Variants in NPR3 observed in about 807,000 individuals in gnomAD.
The protein encoded by NPR3 is natriuretic peptide receptor 3, also known as atrial natriuretic peptide receptor 3.
NPR3 carries 34 observed loss-of-function variants against 54.5 expected under a neutral mutation model. The ratio of observed to expected loss-of-function variants is 0.62; its 90% CI spans 0.47 to 0.83. The LOEUF (loss-of-function observed/expected upper bound fraction) is 0.83, where lower values mean the gene tolerates loss of function less well. NPR3 is among the 40% of genes least tolerant of loss of function. The pLI is 0.00. For missense variants in NPR3, 674 were observed against 720.8 expected (o/e 0.94, Z 0.74); for synonymous variants, 289 against 297.1 (o/e 0.97, Z 0.28).
upstream of NPR3, chr5:32,710,393 C>G (rs1738145837): frequency 4.0e-6 from 1 of 247,708 alleles, no homozygotes; most frequent in South Asian, 1.1e-4. Flanking sequence ...CCTGGTTTAG[C>G]AAACAAAGCC....
At chr5:32,744,737 C>T (rs1740208923) in intron 3 of NPR3, among the ~76,000 whole-genome samples, 1 of 152,210 alleles carries the variant, frequency 6.6e-6, no homozygotes, top group East Asian at 1.9e-4. Context: ...AACATCACTT[C>T]CTCAGGACAG....
rs547740415 is a variant in NPR3, at chr5:32,771,643, A to T, written c.1060-3065A>T. ...CCTGGGTTAGGATTTTGAGGATGGGATGGAAGGAGGAGGACGAGAAGGGGA... is the reference window on the plus strand; with the variant it reads ...CCTGGGTTAGGATTTTGAGGATGGGTTGGAAGGAGGAGGACGAGAAGGGGA... On this transcript the variant is annotated intron_variant, in intron 3 of 7. Coordinates refer to ENST00000265074, the MANE Select transcript of NPR3 (RefSeq NM_001204375.2). Among the ~76,000 whole-genome samples the T allele has an allele frequency of 1.2e-4, 19 of 152,216 alleles. No homozygotes were observed. The South Asian group carries it at 4.0e-3, about 32-fold the overall frequency.
chr5:32,741,166 C>G (rs1740020968), intron 3 of NPR3, among the ~76,000 whole-genome samples: 1 of 152,016 alleles, frequency 6.6e-6, no homozygotes, highest in Non-Finnish European at 1.5e-5. Context: ...CGTCTGTAAT[C>G]CCAGCACTTT....
At chr5:32,730,723 C>A (rs954525616) in intron 2 of NPR3, among the ~76,000 whole-genome samples, 2 of 151,734 alleles carry the variant, frequency 1.3e-5, no homozygotes, top group East Asian at 1.9e-4. Context: ...ATCATTTAGT[C>A]AAAAAAGAAA....
In NPR3 at chr5:32,697,156, T is replaced by C. The variant is rs897590338; in HGVS notation, c.100+7970T>C. ...ATTGTGTTGACATATGTTCCTTCTA[T>C]ACTCAGATTTTTGAGGGCTTTTTAA... On this transcript the variant is annotated intron_variant, in intron 1 of 5. Coordinates refer to the NPR3 transcript ENST00000509104. 4.6e-5 allele frequency among the ~76,000 whole-genome samples: 7 copies of C among 152,300 alleles called. No homozygotes were observed. The South Asian group carries it at 1.2e-3, about 27-fold the overall frequency.
intron 1 of NPR3, 89 bp downstream of exon 1, chr5:32,712,634 C>T: frequency 8.0e-7 from 1 of 1,256,376 alleles, no homozygotes; most frequent in Non-Finnish European, 1.1e-6. Context: ...GCAGACCCCA[C>T]TCCCCACTGC....
intron 4 of NPR3, 34 bp from the exon 5 acceptor site, chr5:32,780,688 A>G: frequency 1.1e-6 from 1 of 941,912 alleles, no homozygotes; most frequent in Non-Finnish European, 1.8e-6. Context: ...ATTTTAAGTA[A>G]CCAACGTTGA....
Position 32,734,364 on chromosome 5 carries a change from C to T in NPR3, c.893-4500C>T, listed in dbSNP as rs117449184. On this transcript the variant is annotated intron_variant, in intron 2 of 7. Coordinates refer to ENST00000265074, the MANE Select transcript of NPR3 (RefSeq NM_001204375.2). ...TCAGGTGATATATATTGAAAATTTA[C>T]TATGTGCTAGGTCCTTGGTAAGTAC... 3.6e-3 allele frequency among the ~76,000 whole-genome samples: 553 copies of T among 152,306 alleles called. 10 individuals carry two copies. The highest frequency in any genetic ancestry group is 0.024 in the Admixed American group (366 of 15,296).
chr5:32,742,361 C>T (rs1740081146), intron 3 of NPR3, among the ~76,000 whole-genome samples: 1 of 152,122 alleles, frequency 6.6e-6, no homozygotes, highest in East Asian at 1.9e-4. Context: ...GTGGTACACG[C>T]CTGTAATCCC....
At position 32,748,525 on chromosome 5, in the gene NPR3, A is replaced by T. The variant is rs576368802; in HGVS notation, c.1059+9495A>T. Among the ~76,000 whole-genome samples the T allele has an allele frequency of 7.2e-5, 11 of 152,348 alleles. No individual in the cohort carries two copies. The East Asian group carries it at 2.1e-3, about 29-fold the overall frequency. Reference sequence around the variant, plus strand: ...GTTGCCCTGGGAGATAAAAGGATAAATGCAGGTTCTTCTAGAGATGCTGCC... The same window carrying T: ...GTTGCCCTGGGAGATAAAAGGATAATTGCAGGTTCTTCTAGAGATGCTGCC... On this transcript the variant is annotated intron_variant, in intron 3 of 7. Transcript: ENST00000265074.
chr5:32,760,667 GT>G (rs568168299), intron 3 of NPR3, among the ~76,000 whole-genome samples: 5,160 of 142,598 alleles, frequency 0.036, 97 homozygotes, highest in Middle Eastern at 0.11. Flanking sequence ...ATGAGCAGTG[GT>G]TTTTTTTTTT....
At chr5:32,716,515 G>A (rs1398670781) in intron 1 of NPR3, 41 of 442,232 alleles carry the variant, frequency 9.3e-5, no homozygotes, top group South Asian at 6.2e-4. Flanking sequence ...ATTTTTCTCA[G>A]TAGGCTGAGG....
At chr5:32,758,768 G>A (rs1381971247) in intron 3 of NPR3, among the ~76,000 whole-genome samples, 2 of 152,120 alleles carry the variant, frequency 1.3e-5, no homozygotes, top group African/African-American at 4.8e-5. Flanking sequence ...TCTACACAGT[G>A]CTTTAAATGT....
At chr5:32,714,613 G>A (rs975628495) in intron 1 of NPR3, among the ~76,000 whole-genome samples, 14 of 151,460 alleles carry the variant, frequency 9.2e-5, no homozygotes, top group African/African-American at 3.4e-4. Flanking sequence ...ACTCTAAAAA[G>A]TATTTCCAAC....
upstream of NPR3, among the ~76,000 whole-genome samples, chr5:32,706,980 C>T (rs558408773): frequency 1.2e-4 from 19 of 152,238 alleles, no homozygotes; most frequent in African/African-American, 3.9e-4. Context: ...TTTTTGAAGT[C>T]CCCATTCACA....
At chr5:32,739,790 G>A (rs1250362910) in intron 3 of NPR3, among the ~76,000 whole-genome samples, 1 of 152,196 alleles carries the variant, frequency 6.6e-6, no homozygotes, top group Non-Finnish European at 1.5e-5. Flanking sequence ...AACAGGATGA[G>A]TGATGGGCAC....
chr5:32,782,989 C>T lies in NPR3; in HGVS notation c.1387C>T (p.Arg463Ter), dbSNP rs776616721. 5 of 1,606,518 alleles carry T rather than the reference C, an allele frequency of 3.1e-6. No individual in the cohort carries two copies. The highest frequency in any genetic ancestry group is 4.3e-6 in the Non-Finnish European group (5 of 1,175,958). ...GPLKLRIDEN[R>*]IVEHTNSSPC... Reference sequence around the variant, plus strand: ...TTTAAAACTGAGAATAGATGAAAACCGAATTGTAGAGCATACAAACAGCTC... The same window carrying T: ...TTTAAAACTGAGAATAGATGAAAACTGAATTGTAGAGCATACAAACAGCTC... The change falls in exon 6 of 8, where the codon CGA (arginine) becomes TGA (stop). Residue 463 changes from arginine (R) to a stop codon, truncating the protein, a stop_gained. Coordinates refer to ENST00000265074, the MANE Select transcript of NPR3 (RefSeq NM_001204375.2). LOFTEE classifies it high-confidence loss of function.
At chr5:32,757,635 A>G (rs895921112) in intron 3 of NPR3, among the ~76,000 whole-genome samples, 2 of 152,134 alleles carry the variant, frequency 1.3e-5, no homozygotes, top group Admixed American at 6.5e-5. Context: ...TTCCAACACT[A>G]CGTTGAATAG....
In NPR3 at chr5:32,712,001, C is replaced by A. The variant is rs868480460; in HGVS notation, c.225C>A (p.Ala75=). The A allele has an allele frequency of 6.2e-7, 1 of 1,612,748 alleles. No individual in the cohort carries two copies. The highest frequency in any genetic ancestry group is 1.7e-5 in the Admixed American group (1 of 59,710). The part of the protein sequence containing the change: ...YLFSLTRVRP[A]IEYALRSVEG... ...TTTCACTCACCCGGGTGCGGCCGGC[C>A]ATCGAGTATGCTCTGCGCAGCGTGG... Residue 75 remains alanine, a synonymous_variant, in exon 1 of 8, where the codon GCC becomes GCA. Transcript: ENST00000265074.
Sources: gnomAD v4.1 joint callset for allele counts (sites outside exome capture counted in the v4.1 genomes callset) on GRCh38, gnomAD v4.1.1 for gene constraint, MANE v1.5 for transcripts, NCBI Gene and HGNC (gene_info 2026-07-23, HGNC 2026-07-21) for gene names.